SUGCT: variants seen among roughly 807,000 people sequenced by gnomAD.
SUGCT encodes the protein succinyl-CoA:glutarate-CoA transferase.
In SUGCT, 41 loss-of-function variants were observed where a neutral mutation model predicts 55.0. The ratio of observed to expected loss-of-function variants is 0.74; its 90% CI spans 0.58 to 0.97. The LOEUF is 0.97. Ranked by LOEUF, SUGCT falls within the 50% of genes least tolerant of loss-of-function variation. SUGCT has a pLI of 0.00. For missense variants in SUGCT, 568 were observed against 547.8 expected (o/e 1.04, Z -0.37); for synonymous variants, 187 against 200.4 (o/e 0.93, Z 0.56).
chr7:40,167,747 C>T (rs886173543), intron 1 of SUGCT, among the ~76,000 whole-genome samples: 48 of 152,272 alleles, frequency 3.2e-4, no homozygotes, highest in African/African-American at 1.0e-3. Flanking sequence ...GCAATGGGTG[C>T]CTCACTGGAT....
the SUGCT span, among the ~76,000 whole-genome samples, chr7:40,977,346 C>G: frequency 2.6e-5 from 4 of 152,248 alleles, no homozygotes; most frequent in Non-Finnish European, 5.9e-5. Context: ...CAGGACAGAG[C>G]TCCTACTACT....
intron 12 of SUGCT, among the ~76,000 whole-genome samples, chr7:40,571,630 A>C (rs566620778): frequency 1.3e-5 from 2 of 152,290 alleles, no homozygotes; most frequent in African/African-American, 4.8e-5. Flanking sequence ...TGCTCAAGAA[A>C]ATGTTTTTTG....
At chr7:40,352,212 A>G (rs1304748856) in intron 9 of SUGCT, among the ~76,000 whole-genome samples, 11 of 152,108 alleles carry the variant, frequency 7.2e-5, no homozygotes, top group Admixed American at 7.2e-4. Flanking sequence ...AATAATAGAG[A>G]TCCATTTTCA....
At chr7:40,137,154 G>C (rs928559855) in intron 1 of SUGCT, among the ~76,000 whole-genome samples, 1 of 152,078 alleles carries the variant, frequency 6.6e-6, no homozygotes, top group Non-Finnish European at 1.5e-5. Flanking sequence ...ACATGGGGTG[G>C]TCTCACTCTG....
At chr7:40,766,271 C>T (rs1256189058) in intron 13 of SUGCT, among the ~76,000 whole-genome samples, 7 of 152,086 alleles carry the variant, frequency 4.6e-5, no homozygotes, top group African/African-American at 9.7e-5. Flanking sequence ...AGTGCAGTGG[C>T]GTGATCTCTG....
intron 9 of SUGCT, among the ~76,000 whole-genome samples, chr7:40,359,312 C>G (rs1028138914): frequency 1.3e-5 from 2 of 152,184 alleles, no homozygotes; most frequent in Non-Finnish European, 2.9e-5. Flanking sequence ...TCAAGCCATT[C>G]TCCTGTCTAA....
At chr7:40,454,776 A>G (rs1789386150) in intron 10 of SUGCT, among the ~76,000 whole-genome samples, 1 of 152,202 alleles carries the variant, frequency 6.6e-6, no homozygotes, top group African/African-American at 2.4e-5. Context: ...ATCCTTAAGA[A>G]ATGAAGGTTA....
chr7:40,711,898 G>A (rs1051436727), intron 12 of SUGCT, among the ~76,000 whole-genome samples: 1 of 152,220 alleles, frequency 6.6e-6, no homozygotes, highest in African/African-American at 2.4e-5. Context: ...TACAGAACAG[G>A]ATGACTGGAT....
At chr7:40,759,549 C>G (rs1241512897) in intron 13 of SUGCT, among the ~76,000 whole-genome samples, 1 of 152,064 alleles carries the variant, frequency 6.6e-6, no homozygotes, top group Admixed American at 6.6e-5. Flanking sequence ...AATTCAAACC[C>G]AGCTCTGGGT....
At chr7:40,175,099 T>C (rs1584256647) in intron 1 of SUGCT, among the ~76,000 whole-genome samples, 1 of 152,202 alleles carries the variant, frequency 6.6e-6, no homozygotes, top group African/African-American at 2.4e-5. Flanking sequence ...ACGCTGTGTT[T>C]CTTTCTTACT....
chr7:40,280,346 A>T (rs764142775), intron 8 of SUGCT, among the ~76,000 whole-genome samples: 2 of 152,206 alleles, frequency 1.3e-5, no homozygotes, highest in African/African-American at 4.8e-5. Context: ...TGTTCTTTAG[A>T]TGATATTGGT....
intron 6 of SUGCT, among the ~76,000 whole-genome samples, chr7:40,206,249 A>C (rs1041198910): frequency 4.6e-5 from 7 of 152,206 alleles, no homozygotes; most frequent in Non-Finnish European, 1.0e-4. Flanking sequence ...ATAAGAAAAA[A>C]ATTTTATACT....
intron 12 of SUGCT, among the ~76,000 whole-genome samples, chr7:40,556,309 T>C (rs988626688): frequency 1.3e-5 from 2 of 152,242 alleles, no homozygotes; most frequent in African/African-American, 4.8e-5. Flanking sequence ...AGTGTTATGC[T>C]GCAGAGTGGT....
chr7:40,342,603 G>A (rs942244783), intron 9 of SUGCT, among the ~76,000 whole-genome samples: 1 of 151,566 alleles, frequency 6.6e-6, no homozygotes, highest in African/African-American at 2.4e-5. Context: ...TTAATTGAAG[G>A]CTCCAATATC....
rs562314682 is a variant in SUGCT at position 40,156,387 on chromosome 7, C to T, written c.100+21267C>T. Among the ~76,000 whole-genome samples the T allele has an allele frequency of 3.3e-5, 5 of 152,174 alleles. No homozygotes were observed. In the East Asian group the frequency reaches 5.9e-4, roughly 18 times the overall value. Reference sequence around the variant, plus strand: ...CTGAGGCAGGAGAATGGCGTGAACCCGGGAGGTGGAGCTTGCAGTGAACCG... The same window carrying T: ...CTGAGGCAGGAGAATGGCGTGAACCTGGGAGGTGGAGCTTGCAGTGAACCG... On this transcript the variant is annotated intron_variant, in intron 1 of 13. Transcript: ENST00000335693.
intron 12 of SUGCT, among the ~76,000 whole-genome samples, chr7:40,612,913 A>C (rs1584126320): frequency 6.6e-6 from 1 of 152,118 alleles, no homozygotes; most frequent in East Asian, 1.9e-4. Context: ...CTGGTGGATC[A>C]CTTGAGGTTA....
the SUGCT span, among the ~76,000 whole-genome samples, chr7:40,898,761 G>C: frequency 8.6e-5 from 13 of 152,028 alleles, no homozygotes; most frequent in Admixed American, 3.9e-4. Flanking sequence ...CAGCGAGACC[G>C]AAAGCCTACC....
At chr7:40,818,614 T>G (rs1008957664) in intron 13 of SUGCT, among the ~76,000 whole-genome samples, 2 of 152,122 alleles carry the variant, frequency 1.3e-5, no homozygotes, top group African/African-American at 4.8e-5. Flanking sequence ...ACACTGGAGA[T>G]AAACACTGGA....
At chr7:40,327,460 A>G (rs1473277574) in intron 9 of SUGCT, among the ~76,000 whole-genome samples, 1 of 152,262 alleles carries the variant, frequency 6.6e-6, no homozygotes, top group Non-Finnish European at 1.5e-5. Flanking sequence ...TGAAGTTAAC[A>G]TAAATAAGGT....
Sources: gnomAD v4.1 joint callset for allele counts (sites outside exome capture counted in the v4.1 genomes callset) on GRCh38, gnomAD v4.1.1 for gene constraint, MANE v1.5 for transcripts, NCBI Gene and HGNC (gene_info 2026-07-23, HGNC 2026-07-21) for gene names.